PAK5: variants seen among roughly 807,000 people sequenced by gnomAD.
PAK5 encodes serine/threonine-protein kinase PAK 5.
PAK5 carries 16 observed loss-of-function variants against 65.9 expected under a neutral mutation model. The observed-to-expected ratio is 0.24, with a 90% confidence interval of 0.16 to 0.37. PAK5 has a LOEUF of 0.37. PAK5 is among the 10% of genes least tolerant of loss of function. The pLI, the probability that PAK5 is intolerant of heterozygous loss-of-function variation, is 1.00. For synonymous variants in PAK5, 371 were observed against 354.9 expected, an observed-to-expected ratio of 1.05 and a Z score of -0.51; for missense variants, 785 against 903.9, an observed-to-expected ratio of 0.87 and a Z score of 1.69.
intron 4 of PAK5, among the ~76,000 whole-genome samples, chr20:9,572,131 G>A (rs2045799914): frequency 6.8e-6 from 1 of 147,570 alleles, no homozygotes; most frequent in South Asian, 2.1e-4. Flanking sequence ...CTAAAAAAAA[G>A]AGTAGTCATC....
At position 9,716,022 on chromosome 20, in the gene PAK5, G is replaced by A. The variant is rs577851010; in HGVS notation, c.-161-4587C>T. Among the ~76,000 whole-genome samples, 135 of 152,170 alleles carry A rather than the reference G, an allele frequency of 8.9e-4. 6 individuals carry two copies. The South Asian group carries it at 0.025, about 29-fold the overall frequency. The stretch of plus-strand genomic sequence containing the variant: ...TAACAAACCTGCACATTGTGCAGAT[G>A]TACCCTAGAACTTAAAGTGTAATAA... On this transcript the variant is annotated intron_variant, in intron 1 of 9. Coordinates refer to ENST00000353224, the MANE Select transcript of PAK5 (RefSeq NM_177990.4).
At chr20:9,629,513 G>A (rs148076579) in intron 3 of PAK5, among the ~76,000 whole-genome samples, 562 of 52,470 alleles carry the variant, frequency 0.011, 5 homozygotes, top group African/African-American at 0.031. Context: ...ATACACACAG[G>A]GTCTTGCTAT....
In PAK5 at chr20:9,672,043, TGAAA is replaced by T. The variant is rs140725798; in HGVS notation, c.-11-27708_-11-27705del. Among the ~76,000 whole-genome samples, 1,248 of 151,790 alleles carry T rather than the reference TGAAA, an allele frequency of 8.2e-3. 11 individuals carry two copies. Among genetic ancestry groups the T allele is most frequent in the African/African-American group, 0.029 (1,180 of 41,336 alleles). ...GGAATTTGTTGAAGGAATGAACAAA[TGAAA>T]GAAAGAAGAGAGATAATCAGCGAGG... On this transcript the variant is annotated intron_variant, in intron 2 of 9. Transcript: ENST00000353224.
intron 2 of PAK5, among the ~76,000 whole-genome samples, chr20:9,698,844 C>G (rs1291624228): frequency 2.0e-5 from 3 of 152,078 alleles, no homozygotes; most frequent in African/African-American, 7.2e-5. Context: ...GCCAAATTTC[C>G]CATGAAGCTT....
chr20:9,716,060 T>C (rs1386189088), intron 1 of PAK5, among the ~76,000 whole-genome samples: 2 of 149,078 alleles, frequency 1.3e-5, no homozygotes, highest in Non-Finnish European at 3.0e-5. Context: ...AATATGTACA[T>C]AAAAATCAAA....
At chr20:9,565,196 T>TA (rs2122988242) in intron 5 of PAK5, among the ~76,000 whole-genome samples, 1 of 152,084 alleles carries the variant, frequency 6.6e-6, no homozygotes, top group African/African-American at 2.4e-5. Context: ...TTTAGAGAGT[T>TA]ACCAAACTAC....
At chr20:9,564,020 A>G (rs965147552) in intron 5 of PAK5, among the ~76,000 whole-genome samples, 10 of 152,334 alleles carry the variant, frequency 6.6e-5, no homozygotes, top group Non-Finnish European at 1.2e-4. Context: ...ATAGAAAGAC[A>G]AAGAGGTCAA....
In PAK5 at chr20:9,831,273, T is replaced by A. The variant is rs139533254; in HGVS notation, c.-162+7489A>T. On this transcript the variant is annotated intron_variant, in intron 1 of 9. Coordinates refer to ENST00000353224, the MANE Select transcript of PAK5 (RefSeq NM_177990.4). ...CATCCCCCGCCACATTCCTGGCAAT[T>A]CTTTTAGCTACCTAATATCCTTCTA... Among the ~76,000 whole-genome samples the A allele has an allele frequency of 4.6e-3, 699 of 152,344 alleles. 8 individuals carry two copies. Among genetic ancestry groups the A allele is most frequent in the African/African-American group, 0.016 (656 of 41,582 alleles).
Position 9,566,186 on chromosome 20 carries a change from T to C in PAK5, c.1189A>G (p.Thr397Ala). 6.2e-7 allele frequency: 1 copy of C among 1,613,562 alleles called. No homozygotes were observed. ...SLQSSSQYIS[T>A]ASYLSSLSLS... ...CTGAGGGAGCTCAGGTAGGAAGCCG[T>C]GGAGATGTACTGCGAACTGCTCTGC... The change falls in exon 5 of 10, where the codon ACG becomes GCG. Residue 397 changes from threonine to alanine, a missense_variant. Around this residue, in one of 4 missense-constraint regions of PAK5, gnomAD observed 422 missense variants for 413.3 expected, o/e 1.02. Transcript: ENST00000353224.
chr20:9,620,293 G>A (rs1324004360), intron 3 of PAK5, among the ~76,000 whole-genome samples: 1 of 152,208 alleles, frequency 6.6e-6, no homozygotes, highest in African/African-American at 2.4e-5. Flanking sequence ...CTTGGTATTT[G>A]GCTGGCATTT....
At chr20:9,712,879 A>C (rs1173061067) in intron 1 of PAK5, among the ~76,000 whole-genome samples, 2 of 152,204 alleles carry the variant, frequency 1.3e-5, no homozygotes, top group African/African-American at 4.8e-5. Flanking sequence ...AAAATTGATT[A>C]AAGACTTAAA....
intron 2 of PAK5, among the ~76,000 whole-genome samples, chr20:9,680,394 G>A (rs376381282): frequency 2.5e-4 from 38 of 152,290 alleles, no homozygotes; most frequent in African/African-American, 8.4e-4. Context: ...ACATGAGGAA[G>A]TGAGATAGGA....
intron 2 of PAK5, among the ~76,000 whole-genome samples, chr20:9,659,996 A>G (rs2047322651): frequency 6.6e-6 from 1 of 152,180 alleles, no homozygotes; most frequent in African/African-American, 2.4e-5. Context: ...TGTGCAGCCT[A>G]AGTCAGATGA....
At chr20:9,689,499 C>T (rs2047763713) in intron 2 of PAK5, among the ~76,000 whole-genome samples, 1 of 152,170 alleles carries the variant, frequency 6.6e-6, no homozygotes, top group Admixed American at 6.5e-5. Context: ...CTCTTGGGTT[C>T]CCTAACCTCC....
rs906465203 is a variant in PAK5, at chr20:9,539,368, T to A, written c.*94A>T. The A allele has an allele frequency of 1.9e-5, 24 of 1,235,634 alleles. No homozygotes were observed. Among genetic ancestry groups the A allele is most frequent in the Non-Finnish European group, 2.8e-5 (24 of 855,360 alleles). The allele number at this position is 1,235,634 out of a possible 1,614,324, so 76.5% of individuals were successfully genotyped here. Reference sequence around the variant, plus strand: ...GTCCCACCAATTGGCTGGTCTAGAATGCACAGGCCTTTTGCATGTTCTGTG... The same window carrying A: ...GTCCCACCAATTGGCTGGTCTAGAAAGCACAGGCCTTTTGCATGTTCTGTG... On this transcript the variant is annotated 3_prime_UTR_variant, in exon 10 of 10. Coordinates refer to ENST00000353224, the MANE Select transcript of PAK5 (RefSeq NM_177990.4).
chr20:9,712,969 G>C (rs1414440431), intron 1 of PAK5, among the ~76,000 whole-genome samples: 1 of 151,862 alleles, frequency 6.6e-6, no homozygotes, highest in Non-Finnish European at 1.5e-5. Flanking sequence ...AAAGATTTTT[G>C]GGGTAAGACC....
intron 3 of PAK5, among the ~76,000 whole-genome samples, chr20:9,625,396 G>A (rs147796073): frequency 1.1e-3 from 165 of 152,234 alleles, no homozygotes; most frequent in African/African-American, 3.8e-3. Flanking sequence ...TTTCTACAAC[G>A]CTGTGCCAAG....
intron 1 of PAK5, among the ~76,000 whole-genome samples, chr20:9,801,230 A>G (rs1600389408): frequency 6.6e-6 from 1 of 152,116 alleles, no homozygotes; most frequent in Non-Finnish European, 1.5e-5. Context: ...TGTAACCTAC[A>G]AGGAGAAAAG....
intron 1 of PAK5, among the ~76,000 whole-genome samples, chr20:9,774,761 G>C (rs962398982): frequency 6.6e-6 from 1 of 151,884 alleles, no homozygotes; most frequent in Non-Finnish European, 1.5e-5. Flanking sequence ...GGCTAACATG[G>C]TGAAACCCCG....
Sources: gnomAD v4.1 joint callset for allele counts (sites outside exome capture counted in the v4.1 genomes callset) on GRCh38, gnomAD v4.1.1 for gene constraint, gnomAD v4.1.1 regional missense constraint, MANE v1.5 for transcripts, NCBI Gene and HGNC (gene_info 2026-07-23, HGNC 2026-07-21) for gene names.